The following NRXN1 variants were observed in gnomAD, a reference collection of about 807,000 sequenced individuals.
The protein encoded by NRXN1 is neurexin-1.
A neutral mutation model predicts 150.9 loss-of-function variants in NRXN1; 39 were observed. The observed-to-expected ratio is 0.26, with a 90% CI of 0.20 to 0.34. The LOEUF is 0.34. Among genes scored for constraint, NRXN1 ranks in the 10% least tolerant of loss-of-function variants. The pLI is 1.00. For missense variants in NRXN1, 1,815 were observed against 1,949.9 expected, an observed-to-expected ratio of 0.93 and a Z score of 1.30; for synonymous variants, 924 against 757.0, an observed-to-expected ratio of 1.22 and a Z score of -3.62.
intron 5 of NRXN1, among the ~76,000 whole-genome samples, chr2:50,717,889 G>C (rs969010185): frequency 2.6e-5 from 4 of 152,062 alleles, no homozygotes; most frequent in African/African-American, 9.7e-5. Flanking sequence ...ACATTCATGA[G>C]GGTTTCACTC....
chr2:50,073,562 C>G (rs1040093334), intron 19 of NRXN1, among the ~76,000 whole-genome samples: 5 of 152,090 alleles, frequency 3.3e-5, no homozygotes, highest in African/African-American at 1.2e-4. Context: ...CTGCTTTTTG[C>G]TGGCGAAAAT....
intron 17 of NRXN1, among the ~76,000 whole-genome samples, chr2:50,283,620 G>A (rs1019284199): frequency 6.6e-6 from 1 of 152,020 alleles, no homozygotes; most frequent in Non-Finnish European, 1.5e-5. Context: ...CAAATAGAAC[G>A]ATATCAGGTC....
chr2:50,239,711 TA>T, intron 17 of NRXN1, among the ~76,000 whole-genome samples: 1 of 95,730 alleles, frequency 1.0e-5, no homozygotes, highest in South Asian at 3.3e-4. Context: ...TATATATATA[TA>T]TATTTATGAC....
chr2:50,059,808 T>C (rs937536982), intron 19 of NRXN1, among the ~76,000 whole-genome samples: 1 of 152,176 alleles, frequency 6.6e-6, no homozygotes, highest in African/African-American at 2.4e-5. Flanking sequence ...GGCTTACATG[T>C]AGTGTTGAGC....
chr2:50,764,623 C>T (rs1231395649), intron 5 of NRXN1, among the ~76,000 whole-genome samples: 2 of 151,942 alleles, frequency 1.3e-5, no homozygotes, highest in African/African-American at 4.8e-5. Context: ...AGCAGTTAAA[C>T]AATTTGCTCA....
At chr2:50,992,166 C>A (rs762439487) in intron 2 of NRXN1, among the ~76,000 whole-genome samples, 8 of 151,930 alleles carry the variant, frequency 5.3e-5, no homozygotes, top group Non-Finnish European at 8.8e-5. Flanking sequence ...AAAAGCTAGT[C>A]AGTTCTAACT....
At chr2:50,306,447 A>C (rs1332548211) in intron 17 of NRXN1, among the ~76,000 whole-genome samples, 4 of 152,210 alleles carry the variant, frequency 2.6e-5, no homozygotes, top group Non-Finnish European at 4.4e-5. Flanking sequence ...GCAAACACTC[A>C]GTTCAAAAAT....
At chr2:50,865,769 A>G (rs1676845435) in intron 5 of NRXN1, among the ~76,000 whole-genome samples, 1 of 139,078 alleles carries the variant, frequency 7.2e-6, no homozygotes, top group Non-Finnish European at 1.5e-5. Flanking sequence ...GGGGATGTAC[A>G]TACATCTACT....
chr2:50,337,328 G>A (rs569779136), intron 17 of NRXN1, among the ~76,000 whole-genome samples: 4 of 152,124 alleles, frequency 2.6e-5, no homozygotes, highest in East Asian at 1.9e-4. Flanking sequence ...CAAATGATCT[G>A]CTCGCCTCAG....
At chr2:50,727,790 A>G (rs977981339) in intron 5 of NRXN1, among the ~76,000 whole-genome samples, 11 of 152,190 alleles carry the variant, frequency 7.2e-5, no homozygotes, top group African/African-American at 2.4e-4. Context: ...CTAGCATTGC[A>G]TGAATCAGAA....
intron 18 of NRXN1, among the ~76,000 whole-genome samples, chr2:50,168,917 T>C (rs1295353869): frequency 6.6e-6 from 1 of 152,202 alleles, no homozygotes; most frequent in Non-Finnish European, 1.5e-5. Context: ...CACCAACAGT[T>C]CACTCGTTCA....
intron 17 of NRXN1, among the ~76,000 whole-genome samples, chr2:50,319,276 C>T (rs1161849367): frequency 6.6e-6 from 1 of 152,044 alleles, no homozygotes; most frequent in African/African-American, 2.4e-5. Context: ...ATTGTAGTTG[C>T]ATTATGCAAA....
intron 5 of NRXN1, among the ~76,000 whole-genome samples, chr2:50,753,520 C>T (rs1700839689): frequency 6.6e-6 from 1 of 151,850 alleles, no homozygotes. Context: ...TGGAGTCTGG[C>T]AGGAAAACCT....
chr2:50,466,415 G>A, intron 16 of NRXN1: 1 of 462,350 alleles, frequency 2.2e-6, no homozygotes, highest in Non-Finnish European at 4.5e-6. Flanking sequence ...TTTCCACTGT[G>A]TATTATGGGG....
intron 17 of NRXN1, among the ~76,000 whole-genome samples, chr2:50,264,930 G>C (rs1174341205): frequency 6.6e-6 from 1 of 152,038 alleles, no homozygotes; most frequent in Admixed American, 6.6e-5. Context: ...ATTAAGTCAG[G>C]GGTCCTAGAT....
At chr2:50,949,947 A>C (rs1691029804) in intron 2 of NRXN1, among the ~76,000 whole-genome samples, 1 of 152,082 alleles carries the variant, frequency 6.6e-6, no homozygotes, top group Admixed American at 6.6e-5. Context: ...ATTTGACTGG[A>C]GTTTGTACCA....
At chr2:50,139,757 G>C (rs1044965803) in intron 18 of NRXN1, among the ~76,000 whole-genome samples, 4 of 152,078 alleles carry the variant, frequency 2.6e-5, no homozygotes, top group African/African-American at 9.7e-5. Flanking sequence ...TAGTCACATA[G>C]ACTATTCTAT....
chr2:50,872,917 A>G (rs1301747724), intron 5 of NRXN1, among the ~76,000 whole-genome samples: 1 of 151,890 alleles, frequency 6.6e-6, no homozygotes, highest in African/African-American at 2.4e-5. Context: ...CAGGAGGATC[A>G]TTTGAGTTCA....
intron 21 of NRXN1, among the ~76,000 whole-genome samples, chr2:49,984,751 T>C (rs1026881297): frequency 3.8e-5 from 4 of 103,960 alleles, no homozygotes; most frequent in East Asian, 5.1e-4. Flanking sequence ...ACACACACGA[T>C]AGTATATTAT....
Sources: allele counts gnomAD v4.1 joint callset (sites outside exome capture counted in the v4.1 genomes callset), GRCh38; gene constraint gnomAD v4.1.1; transcripts MANE v1.5; gene names NCBI Gene and HGNC (gene_info 2026-07-23, HGNC 2026-07-21).